The following TUBGCP2 variants were observed in gnomAD, a reference collection of about 807,000 sequenced individuals.
TUBGCP2 encodes the protein gamma-tubulin complex component 2.
In TUBGCP2, 55 loss-of-function variants were observed where a neutral mutation model predicts 92.2. The ratio of observed to expected loss-of-function variants is 0.60; its 90% CI spans 0.48 to 0.75. The LOEUF is 0.75. TUBGCP2 is among the 30% of genes least tolerant of loss of function. The pLI is 0.00. For synonymous variants in TUBGCP2, 533 were observed against 505.2 expected (o/e 1.06, Z -0.74); for missense variants, 1,093 against 1,188.9 (o/e 0.92, Z 1.19).
chr10:133,292,738 C>A (rs755166333), intron 7 of TUBGCP2, 50 bp from the exon 8 acceptor site: 1 of 1,564,840 alleles, frequency 6.4e-7, no homozygotes, highest in Non-Finnish European at 8.7e-7. Flanking sequence ...GCACGCCCAG[C>A]CTCTGCCAAC....
chr10:133,309,165 G>A, upstream of TUBGCP2: 1 of 1,370,260 alleles, frequency 7.3e-7, no homozygotes. Flanking sequence ...AGGCGGGGCC[G>A]GAGCCTGGAG....
upstream of TUBGCP2, chr10:133,310,228 T>C: frequency 6.2e-7 from 1 of 1,613,992 alleles, no homozygotes; most frequent in African/African-American, 1.3e-5. Flanking sequence ...AAGGATCACA[T>C]GGTGAGGATG....
rs766937100 is a variant in TUBGCP2 at position 133,289,881 on chromosome 10, C to A, written c.1303G>T (p.Val435Phe). 1 of 1,614,254 alleles carries A rather than the reference C, an allele frequency of 6.2e-7. No homozygotes were observed. The highest frequency in any genetic ancestry group is 8.5e-7 in the Non-Finnish European group (1 of 1,180,050). The change falls in exon 9 of 18, where the codon GTC (valine) becomes TTC (phenylalanine). Residue 435 changes from valine (V) to phenylalanine (F), a missense_variant. Physicochemically the swap from Val to Phe is conservative, Grantham distance 50. This residue lies in a region of TUBGCP2 where 598 missense variants were observed against 675.5 expected (regional missense o/e 0.89). Coordinates refer to ENST00000252936, the MANE Select transcript of TUBGCP2 (RefSeq NM_006659.4). ...AGGAAGGACGGGATCTGCTGCTGGACGATGGTGTACCGCTGGTCCCAGTAC... is the reference window on the plus strand; with the variant it reads ...AGGAAGGACGGGATCTGCTGCTGGAAGATGGTGTACCGCTGGTCCCAGTAC... ...DKYWDQRYTI[V>F]QQQIPSFLQK...
chr10:133,296,157 C>T (rs141010761), intron 5 of TUBGCP2, among the ~76,000 whole-genome samples: 4 of 152,234 alleles, frequency 2.6e-5, no homozygotes, highest in African/African-American at 9.6e-5. Context: ...GAGCTGCCCA[C>T]GGCGCCGCAG....
intron 9 of TUBGCP2, 126 bp downstream of exon 9, chr10:133,289,698 C>G (rs1196672093): frequency 7.9e-6 from 9 of 1,132,424 alleles, no homozygotes; most frequent in Non-Finnish European, 1.1e-5. Context: ...CCCGCATTCA[C>G]GGACACCAGG....
Position 133,285,071 on chromosome 10 carries a change from G to T in TUBGCP2, c.2024+14C>A. On this transcript the variant is annotated intron_variant, in intron 13 of 17. Transcript: ENST00000252936. The surrounding 1 kb of genome is among the most constrained non-coding windows in gnomAD (Gnocchi z 6.8). Reference sequence around the variant, plus strand: ...TGCTTCAGGAGGGCATGCGGGGGCAGAGGAAGAACGCACCACTGGGCGGAG... The same window carrying T: ...TGCTTCAGGAGGGCATGCGGGGGCATAGGAAGAACGCACCACTGGGCGGAG... 6.3e-7 allele frequency: 1 copy of T among 1,592,666 alleles called. No homozygotes were observed. The highest frequency in any genetic ancestry group is 1.1e-5 in the South Asian group (1 of 89,580).
chr10:133,306,247 G>A (rs1342609246), intron 1 of TUBGCP2, among the ~76,000 whole-genome samples: 1 of 152,206 alleles, frequency 6.6e-6, no homozygotes, highest in Non-Finnish European at 1.5e-5. Context: ...CAAACTACTT[G>A]TGAAGCAGAA....
At chr10:133,309,956 CCTGT>C (rs767561618), upstream of TUBGCP2, 22 of 1,613,288 alleles carry the variant, frequency 1.4e-5, no homozygotes, top group East Asian at 2.2e-5. Flanking sequence ...TCTTCCAGAT[CCTGT>C]CTGAGAGGCA....
intron 11 of TUBGCP2, 118 bp downstream of exon 11, chr10:133,288,011 C>T: frequency 7.5e-7 from 1 of 1,339,624 alleles, no homozygotes; most frequent in Non-Finnish European, 9.9e-7. Flanking sequence ...AGGAAACAGA[C>T]CCTGCGGTCG....
In TUBGCP2 at chr10:133,292,813, T is replaced by C. The variant is rs538217045; in HGVS notation, c.1025-125A>G. ...CTGGGACGGTGCTGCTTCTTTGGGA[T>C]ACGTATTAACTGTAAGGTTGTAGTT... On this transcript the variant is annotated intron_variant, in intron 7 of 17. Transcript: ENST00000252936. The C allele has an allele frequency of 1.3e-4, 164 of 1,262,902 alleles. 1 individual carries two copies. In the East Asian group the frequency reaches 4.0e-3, roughly 31 times the overall value. The allele number at this position is 1,262,902 out of a possible 1,614,324, so 78.2% of individuals were successfully genotyped here. A position where few individuals can be genotyped will look rare whatever the true frequency, so the allele number is the denominator to read the frequency against.
At position 133,291,239 on chromosome 10, in the gene TUBGCP2, C is replaced by G. The variant is rs999860119; in HGVS notation, c.1214+1260G>C. 1.6e-3 allele frequency among the ~76,000 whole-genome samples: 184 copies of G among 113,070 alleles called. 1 individual carries two copies. The highest frequency in any genetic ancestry group is 8.2e-3 in the African/African-American group (154 of 18,746). 74.2% of individuals were successfully genotyped at this position (113,070 alleles called of 152,430 possible). On this transcript the variant is annotated intron_variant, in intron 8 of 17. Coordinates refer to ENST00000252936, the MANE Select transcript of TUBGCP2 (RefSeq NM_006659.4). ...GCCCCCAGAGAGGGCAGCACGCGCC[C>G]TCCGTGTCCCCCATGTCCCTCCGTG... is the stretch of plus-strand genomic sequence containing the variant.
At chr10:133,282,550 T>C (rs1847010114) in intron 15 of TUBGCP2, among the ~76,000 whole-genome samples, 2 of 152,174 alleles carry the variant, frequency 1.3e-5, no homozygotes, top group Non-Finnish European at 2.9e-5. Context: ...ACCAGCTGAT[T>C]TTCCTGAGAA....
At chr10:133,281,230 G>A (rs1564933209) in intron 17 of TUBGCP2, 43 bp downstream of exon 17, 1 of 1,599,244 alleles carries the variant, frequency 6.3e-7, no homozygotes, top group Admixed American at 1.7e-5. Flanking sequence ...GCAGGCGCTG[G>A]ACTGAGCTGA....
At chr10:133,288,619 G>C (rs1847194192) in intron 10 of TUBGCP2, among the ~76,000 whole-genome samples, 1 of 152,248 alleles carries the variant, frequency 6.6e-6, no homozygotes, top group Non-Finnish European at 1.5e-5. Flanking sequence ...GGTGGGCCCT[G>C]GGCAAGGAGG....
Position 133,279,599 on chromosome 10 carries a change from TA to T in TUBGCP2, c.*166del. 1 of 1,122,292 alleles carries T rather than the reference TA, an allele frequency of 8.9e-7. No homozygotes were observed. 69.5% of individuals were successfully genotyped at this position (1,122,292 alleles called of 1,614,324 possible). On this transcript the variant is annotated 3_prime_UTR_variant, in exon 18 of 18. Coordinates refer to ENST00000252936, the MANE Select transcript of TUBGCP2 (RefSeq NM_006659.4). The stretch of plus-strand genomic sequence containing the variant: ...ATCCACCCTGCCTGGGCAGCTTCTA[TA>T]AAACGAAACCCAGCGCCTTGAGAAA...
intron 5 of TUBGCP2, among the ~76,000 whole-genome samples, chr10:133,294,102 GT>G (rs1163807994): frequency 6.6e-6 from 1 of 152,268 alleles, no homozygotes; most frequent in African/African-American, 2.4e-5. Flanking sequence ...TTCAACATTG[GT>G]AAGTACAACT....
intron 11 of TUBGCP2, 115 bp downstream of exon 11, chr10:133,288,014 T>C (rs530699017): frequency 5.7e-5 from 77 of 1,351,264 alleles, no homozygotes; most frequent in Non-Finnish European, 7.2e-5. Flanking sequence ...AAACAGACCC[T>C]GCGGTCGCCT....
chr10:133,283,037 C>T lies in TUBGCP2; in HGVS notation c.2289+41G>A, dbSNP rs376930044. ...CACGGTCGGGACATGGTCTGCCCAC[C>T]CGCGCCTGCCCACCCGATGGTGCTA... On this transcript the variant is annotated intron_variant, in intron 15 of 17. Transcript: ENST00000252936. The T allele has an allele frequency of 6.2e-6, 10 of 1,610,292 alleles. No homozygotes were observed. The African/African-American group carries it at 6.7e-5, about 11-fold the overall frequency.
chr10:133,299,974 T>C lies in TUBGCP2; in HGVS notation c.279+11A>G, dbSNP rs1589834698. ...TACGGGCGCAGTGTGGCACGTGGCATGGGCACCTACCTCTTTGTCTTCCGT... is the reference window on the plus strand; with the variant it reads ...TACGGGCGCAGTGTGGCACGTGGCACGGGCACCTACCTCTTTGTCTTCCGT... On this transcript the variant is annotated intron_variant, in intron 3 of 17. Transcript: ENST00000252936. 6.2e-7 allele frequency: 1 copy of C among 1,613,412 alleles called. No homozygotes were observed. Among genetic ancestry groups the C allele is most frequent in the South Asian group, 1.1e-5 (1 of 91,020 alleles).
Sources: gnomAD v4.1 joint callset for allele counts (sites outside exome capture counted in the v4.1 genomes callset) on GRCh38, gnomAD v4.1.1 for gene constraint, gnomAD v4.1.1 regional missense constraint, Gnocchi (gnomAD v3.1) non-coding constraint, MANE v1.5 for transcripts, NCBI Gene and HGNC (gene_info 2026-07-23, HGNC 2026-07-21) for gene names.